MLXIP: variants seen among roughly 807,000 people sequenced by gnomAD.
MLXIP encodes MLX-interacting protein.
Under a neutral mutation model 87.2 loss-of-function variants are expected in MLXIP, and 30 were observed. That is an observed-to-expected ratio of 0.34 (90% CI 0.26 to 0.47). MLXIP has a LOEUF of 0.47. MLXIP is among the 20% of genes least tolerant of loss of function. The pLI is 1.00. For synonymous variants in MLXIP, 530 were observed against 514.0 expected (o/e 1.03, Z -0.42); for missense variants, 1,002 against 1,240.1 (o/e 0.81, Z 2.88).
chr12:122,137,214 G>A lies in MLXIP; in HGVS notation c.2033-255G>A. 2 of 329,862 alleles carry A rather than the reference G, an allele frequency of 6.1e-6. No homozygotes were observed. The highest frequency in any genetic ancestry group is 1.1e-5 in the Non-Finnish European group (2 of 183,746). The allele number at this position is 329,862 out of a possible 1,614,324, so 20.4% of individuals were successfully genotyped here. A position where few individuals can be genotyped will look rare whatever the true frequency, so the allele number is the denominator to read the frequency against. On this transcript the variant is annotated intron_variant, in intron 11 of 16. Coordinates refer to ENST00000319080, the MANE Select transcript of MLXIP (RefSeq NM_014938.6). The surrounding 1 kb of genome is among the most constrained non-coding windows in gnomAD (Gnocchi z 4.1). ...AAATATCTCGTAAAGCGACACCAGT[G>A]ACTGGAACACGTCACACAGGGTTGC...
At position 122,091,193 on chromosome 12, in the gene MLXIP, G is replaced by A. The variant is rs144080270; in HGVS notation, c.413+11927G>A. ...CATTATCTTTAGGAATCTGACTTGG[G>A]AAGTGCAAGATCAGATGATCTTGGA... On this transcript the variant is annotated intron_variant, in intron 1 of 16. Transcript: ENST00000319080. 7.9e-3 allele frequency among the ~76,000 whole-genome samples: 1,199 copies of A among 152,282 alleles called. 15 individuals carry two copies. Among genetic ancestry groups the A allele is most frequent in the African/African-American group, 0.028 (1,143 of 41,540 alleles).
chr12:122,140,786 A>G lies in MLXIP; in HGVS notation c.2509-168A>G, dbSNP rs752502894. ...AGAGCAGAGTGTTTTCATGAAGTGG[A>G]AGACACACCTTGCCTAGAGATCTCT... On this transcript the variant is annotated intron_variant, in intron 15 of 16. Coordinates refer to ENST00000319080, the MANE Select transcript of MLXIP (RefSeq NM_014938.6). 4.8e-6 allele frequency: 5 copies of G among 1,034,044 alleles called. No individual in the cohort carries two copies. In the Admixed American group the frequency reaches 9.7e-5, roughly 20 times the overall value. 64.1% of individuals were successfully genotyped at this position (1,034,044 alleles called of 1,614,324 possible). A position where few individuals can be genotyped will look rare whatever the true frequency, so the allele number is the denominator to read the frequency against.
chr12:122,093,257 G>A (rs1228173199), intron 1 of MLXIP, among the ~76,000 whole-genome samples: 4 of 149,566 alleles, frequency 2.7e-5, no homozygotes, highest in African/African-American at 4.9e-5. Context: ...TGTGTGTGCA[G>A]TGNGGGTGTG....
chr12:122,133,169 C>T lies in MLXIP; in HGVS notation c.1093-179C>T. 1.6e-6 allele frequency: 1 copy of T among 631,834 alleles called. No individual in the cohort carries two copies. Among genetic ancestry groups the T allele is most frequent in the Non-Finnish European group, 2.5e-6 (1 of 395,476 alleles). 39.1% of individuals were successfully genotyped at this position (631,834 alleles called of 1,614,324 possible). Reference sequence around the variant, plus strand: ...TTAGTTTTTAATGGAAACAAGACCCCCGCAGACACGCAGGGAAACACAAAT... The same window carrying T: ...TTAGTTTTTAATGGAAACAAGACCCTCGCAGACACGCAGGGAAACACAAAT... On this transcript the variant is annotated intron_variant, in intron 8 of 16. Transcript: ENST00000319080. This position sits in a 1 kb window ranked among gnomAD's most constrained non-coding sequence, Gnocchi z 4.9.
Position 122,133,649 on chromosome 12 carries a change from C to T in MLXIP, c.1394C>T (p.Pro465Leu). The T allele has an allele frequency of 1.2e-6, 2 of 1,613,506 alleles. No homozygotes were observed. The highest frequency in any genetic ancestry group is 1.1e-5 in the South Asian group (1 of 90,958). ...PPATALNPPA[P>L]PTFHQPQKFA... ...GCCACTGCCCTGAACCCCCCGGCTC[C>T]ACCCACCTTCCATCAGCCACAGAAG... Residue 465 changes from proline (P) to leucine (L), a missense_variant, in exon 9 of 17, where the codon CCA becomes CTA. Pro to Leu is a moderately conservative substitution (Grantham distance 98, BLOSUM62 -3). Transcript: ENST00000319080. The surrounding 1 kb of genome is among the most constrained non-coding windows in gnomAD (Gnocchi z 4.9).
chr12:122,078,916 G>A lies in MLXIP; in HGVS notation c.63G>A (p.Leu21=), dbSNP rs1389700698. The A allele has an allele frequency of 1.7e-6, 2 of 1,143,356 alleles. No homozygotes were observed. The highest frequency in any genetic ancestry group is 5.6e-5 in the East Asian group (1 of 17,792). The allele number at this position is 1,143,356 out of a possible 1,614,324, so 70.8% of individuals were successfully genotyped here. Residue 21 remains leucine (L), a synonymous_variant, in exon 1 of 17, where the codon CTG becomes CTA. Transcript: ENST00000319080. ...RRPRSRGRQV[L]LKPQVSEDDD... ...CTCGCAGCCGGGGCCGCCAGGTGCTGCTCAAGCCCCAGGTGTCCGAGGACG... is the reference window on the plus strand; with the variant it reads ...CTCGCAGCCGGGGCCGCCAGGTGCTACTCAAGCCCCAGGTGTCCGAGGACG...
intron 15 of MLXIP, 52 bp from the exon 16 acceptor site, chr12:122,140,902 G>A: frequency 6.2e-7 from 1 of 1,613,778 alleles, no homozygotes; most frequent in South Asian, 1.1e-5. Flanking sequence ...CTTCGGGTCT[G>A]CAGTCCCCAG....
intron 1 of MLXIP, among the ~76,000 whole-genome samples, chr12:122,107,740 G>T (rs1952542833): frequency 6.6e-6 from 1 of 152,128 alleles, no homozygotes; most frequent in African/African-American, 2.4e-5. Flanking sequence ...CGGCTCTCCT[G>T]TGGCTGGTGG....
At chr12:122,123,387 G>T (rs1952816378) in intron 1 of MLXIP, among the ~76,000 whole-genome samples, 1 of 152,140 alleles carries the variant, frequency 6.6e-6, no homozygotes, top group African/African-American at 2.4e-5. Flanking sequence ...CCACCTGTTG[G>T]TCATAGAGAT....
Position 122,142,108 on chromosome 12 carries a change from T to G in MLXIP, c.*296T>G. 1 of 700,506 alleles carries G rather than the reference T, an allele frequency of 1.4e-6. No individual in the cohort carries two copies. Among genetic ancestry groups the G allele is most frequent in the East Asian group, 2.7e-5 (1 of 37,204 alleles). The allele number at this position is 700,506 out of a possible 1,614,324, so 43.4% of individuals were successfully genotyped here. A position where few individuals can be genotyped will look rare whatever the true frequency, so the allele number is the denominator to read the frequency against. On this transcript the variant is annotated 3_prime_UTR_variant, in exon 17 of 17. Coordinates refer to ENST00000319080, the MANE Select transcript of MLXIP (RefSeq NM_014938.6). Reference sequence around the variant, plus strand: ...CACAAAAGGGAAGTGCTGGCCGTGCTGGTCCTGCCCTGCTGGTGGCCTGCC... The same window carrying G: ...CACAAAAGGGAAGTGCTGGCCGTGCGGGTCCTGCCCTGCTGGTGGCCTGCC...
intron 1 of MLXIP, among the ~76,000 whole-genome samples, chr12:122,080,232 C>T (rs531578051): frequency 1.8e-4 from 27 of 152,234 alleles, no homozygotes; most frequent in African/African-American, 6.5e-4. Flanking sequence ...GCAGCTTGGC[C>T]CTGCAGAAAG....
rs192443410 is a variant in MLXIP at position 122,141,698 on chromosome 12, G to A, written c.2646G>A (p.Leu882=). 2 of 1,613,690 alleles carry A rather than the reference G, an allele frequency of 1.2e-6. No individual in the cohort carries two copies. Among genetic ancestry groups the A allele is most frequent in the East Asian group, 4.5e-5 (2 of 44,870 alleles). ...CSLPILRPMV[L]STLRQLSTST... ...ACCCTTTCTGTCTTGCAGTGGTATT[G>A]AGCACGCTGCGGCAGCTGAGCACCT... The change falls in exon 17 of 17, where the codon TTG becomes TTA. Residue 882 remains leucine (L), a synonymous_variant. Coordinates refer to ENST00000319080, the MANE Select transcript of MLXIP (RefSeq NM_014938.6).
intron 1 of MLXIP, among the ~76,000 whole-genome samples, chr12:122,100,462 A>AT (rs1952420376): frequency 6.6e-6 from 1 of 152,140 alleles, no homozygotes; most frequent in Non-Finnish European, 1.5e-5. Context: ...ATGCATACTC[A>AT]TTTTTGCTGC....
At position 122,130,087 on chromosome 12, in the gene MLXIP, G is replaced by A. The variant is rs1952950718; in HGVS notation, c.885G>A (p.Val295=). 6.2e-7 allele frequency: 1 copy of A among 1,613,862 alleles called. No homozygotes were observed. The highest frequency in any genetic ancestry group is 1.3e-5 in the African/African-American group (1 of 75,042). The change falls in exon 6 of 17, where the codon GTG becomes GTA. Residue 295 remains valine (V), a synonymous_variant. Transcript: ENST00000319080. ...LFSTLSSHQP[V]AWPNPREIAH... is the part of the protein sequence containing the mutation. ...CCACACTTTCTTCACACCAGCCGGTGGCCTGGCCCAATCCCCGGGAAATAG... is the reference window on the plus strand; with the variant it reads ...CCACACTTTCTTCACACCAGCCGGTAGCCTGGCCCAATCCCCGGGAAATAG...
In MLXIP at chr12:122,104,424, G is replaced by A. The variant is rs568936127; in HGVS notation, c.414-22832G>A. Among the ~76,000 whole-genome samples the A allele has an allele frequency of 6.6e-5, 10 of 152,210 alleles. No homozygotes were observed. In the East Asian group the frequency reaches 1.9e-3, roughly 29 times the overall value. On this transcript the variant is annotated intron_variant, in intron 1 of 16. Transcript: ENST00000319080. ...GTGTCTCGCTTCCTTTGTTCGGCAT[G>A]TTTTTAAGACTTATCCATGTTGCTG...
At chr12:122,136,456 AT>A (rs1953092429) in intron 11 of MLXIP, 1 of 110,282 alleles carries the variant, frequency 9.1e-6, no homozygotes, top group Non-Finnish European at 2.0e-5. Flanking sequence ...CTATCAAAAA[AT>A]GCAAAAAAAA....
chr12:122,088,311 T>A (rs1002245855), intron 1 of MLXIP, among the ~76,000 whole-genome samples: 2 of 152,180 alleles, frequency 1.3e-5, no homozygotes, highest in Non-Finnish European at 2.9e-5. Flanking sequence ...AGAAATACTG[T>A]CTGCTTTGAA....
rs1418566481 is a variant in MLXIP at position 122,135,936 on chromosome 12, G to A, written c.2032+270G>A. 11 of 424,640 alleles carry A rather than the reference G, an allele frequency of 2.6e-5. No individual in the cohort carries two copies. The highest frequency in any genetic ancestry group is 4.6e-5 in the Non-Finnish European group (11 of 238,496). 26.3% of individuals were successfully genotyped at this position (424,640 alleles called of 1,614,324 possible). On this transcript the variant is annotated intron_variant, in intron 11 of 16. Coordinates refer to ENST00000319080, the MANE Select transcript of MLXIP (RefSeq NM_014938.6). The surrounding 1 kb of genome is among the most constrained non-coding windows in gnomAD (Gnocchi z 5.3). ...CGGGGAGTCCCTGCTGACTGCCCAC[G>A]AAGGCCTGGTACTGAGCTGCTGATC... is the stretch of plus-strand genomic sequence containing the variant.
At chr12:122,132,409 G>T in intron 8 of MLXIP, 26 bp downstream of exon 8, 2 of 1,573,722 alleles carry the variant, frequency 1.3e-6, no homozygotes, top group East Asian at 2.3e-5. Flanking sequence ...GGATGGGTGG[G>T]GGAAGGGGCT....
Sources: allele counts gnomAD v4.1 joint callset (sites outside exome capture counted in the v4.1 genomes callset), GRCh38; gene constraint gnomAD v4.1.1; non-coding constraint Gnocchi (gnomAD v3.1); transcripts MANE v1.5; gene names NCBI Gene and HGNC (gene_info 2026-07-23, HGNC 2026-07-21).